CUX1: variants seen among roughly 807,000 people sequenced by gnomAD.
CUX1 encodes the protein cut like homeobox 1.
A neutral mutation model predicts 158.8 loss-of-function variants in CUX1; 31 were observed. The observed-to-expected ratio is 0.20, with a 90% CI of 0.15 to 0.26. The LOEUF is 0.26. CUX1 is among the 10% of genes least tolerant of loss of function. The pLI is 1.00. For synonymous variants in CUX1, 879 were observed against 862.1 expected (o/e 1.02, Z -0.34); for missense variants, 1,589 against 2,014.6 (o/e 0.79, Z 4.04).
intron 2 of CUX1, among the ~76,000 whole-genome samples, chr7:101,987,371 G>A (rs1023159439): frequency 2.6e-5 from 4 of 152,176 alleles, no homozygotes; most frequent in South Asian, 2.1e-4. Flanking sequence ...ATACTTCCAC[G>A]GTAATGGGTT....
At chr7:102,157,263 G>C (rs1406338954) in intron 8 of CUX1, among the ~76,000 whole-genome samples, 1 of 152,058 alleles carries the variant, frequency 6.6e-6, no homozygotes, top group Non-Finnish European at 1.5e-5. Flanking sequence ...CACAGCATGA[G>C]AGCCCTCAAC....
intron 3 of CUX1, among the ~76,000 whole-genome samples, chr7:102,045,003 T>G (rs1822567886): frequency 6.6e-6 from 1 of 151,884 alleles, no homozygotes; most frequent in African/African-American, 2.4e-5. Flanking sequence ...GTGGTGGAGG[T>G]GACAGTGGTG....
chr7:102,122,524 T>G (rs1832156008), intron 8 of CUX1, among the ~76,000 whole-genome samples: 3 of 152,176 alleles, frequency 2.0e-5, no homozygotes. Flanking sequence ...TGAAGGATTT[T>G]CCTTGTCTTT....
intron 2 of CUX1, among the ~76,000 whole-genome samples, chr7:101,924,562 C>CT (rs777090455): frequency 2.3e-3 from 330 of 141,082 alleles, no homozygotes; most frequent in Middle Eastern, 3.6e-3. Flanking sequence ...TACTTTTTTC[C>CT]TTTTTTTTTT....
At chr7:101,879,510 G>T (rs1562958919) in intron 1 of CUX1, among the ~76,000 whole-genome samples, 1 of 152,168 alleles carries the variant, frequency 6.6e-6, no homozygotes, top group Non-Finnish European at 1.5e-5. Context: ...CTTCCCTGTG[G>T]CTGGGAGCCC....
At chr7:101,887,842 C>CCTTTTTTTTTTTT (rs1562966470) in intron 1 of CUX1, among the ~76,000 whole-genome samples, 6 of 135,038 alleles carry the variant, frequency 4.4e-5, no homozygotes, top group Non-Finnish European at 8.0e-5. Flanking sequence ...ATGACGGTGA[C>CCTTTTTTTTTTTT]ATTTTTTTTT....
At chr7:101,870,153 G>GTT (rs1223133668) in intron 1 of CUX1, among the ~76,000 whole-genome samples, 8 of 104,062 alleles carry the variant, frequency 7.7e-5, no homozygotes, top group Admixed American at 2.0e-4. Flanking sequence ...TGTTTTTTTT[G>GTT]TTTTTTTTTT....
intron 9 of CUX1, among the ~76,000 whole-genome samples, chr7:102,167,357 C>A (rs1554509141): frequency 6.6e-6 from 1 of 152,110 alleles, no homozygotes; most frequent in African/African-American, 2.4e-5. Context: ...CTTTTGTGAA[C>A]CATCACCCTG....
chr7:101,948,692 T>A (rs2129150891), intron 2 of CUX1, among the ~76,000 whole-genome samples: 1 of 152,294 alleles, frequency 6.6e-6, no homozygotes, highest in South Asian at 2.1e-4. Context: ...TCACAGAGTC[T>A]CTCTTCTCTG....
chr7:102,172,735 G>T (rs543277831), intron 10 of CUX1, among the ~76,000 whole-genome samples: 53 of 152,276 alleles, frequency 3.5e-4, no homozygotes, highest in Admixed American at 9.8e-4. Flanking sequence ...TCTAAGAAAA[G>T]ATTTTAGCCT....
At chr7:102,022,021 T>C (rs899787232) in intron 2 of CUX1, among the ~76,000 whole-genome samples, 2 of 152,094 alleles carry the variant, frequency 1.3e-5, no homozygotes, top group African/African-American at 4.8e-5. Context: ...TGTCACCAGC[T>C]CTGGGTCCCT....
rs1789905482 is a variant in CUX1, at chr7:102,256,461, C to G, written c.*7419C>G. The G allele has an allele frequency of 3.0e-6, 3 of 985,412 alleles. No individual in the cohort carries two copies. In the South Asian group the frequency reaches 1.4e-4, roughly 46 times the overall value. The allele number at this position is 985,412 out of a possible 1,614,324, so 61.0% of individuals were successfully genotyped here. On this transcript the variant is annotated 3_prime_UTR_variant, in exon 24 of 24. Transcript: ENST00000292535. ...GGTTACTATCCTCTGCCTTCCTCTC[C>G]TCCCCTACTCCCCCAGAGAACCAAG...
intron 1 of CUX1, among the ~76,000 whole-genome samples, chr7:101,866,755 C>A (rs1217997486): frequency 1.3e-5 from 2 of 152,188 alleles, no homozygotes; most frequent in Non-Finnish European, 1.5e-5. Context: ...AGGAGAATTT[C>A]AATCCTGAGT....
intron 5 of CUX1, among the ~76,000 whole-genome samples, chr7:102,099,474 G>GTT (rs1554485587): frequency 2.0e-5 from 2 of 98,768 alleles, no homozygotes; most frequent in Admixed American, 8.8e-5. Flanking sequence ...GGAGTATCCT[G>GTT]GTTTTTTTTT....
intron 2 of CUX1, among the ~76,000 whole-genome samples, chr7:101,949,406 A>T (rs371184969): frequency 6.6e-6 from 1 of 152,070 alleles, no homozygotes; most frequent in South Asian, 2.1e-4. Flanking sequence ...CCGGGATTAC[A>T]GGTATAAGCC....
At chr7:102,030,426 C>T (rs1221118072) in intron 3 of CUX1, among the ~76,000 whole-genome samples, 2 of 151,178 alleles carry the variant, frequency 1.3e-5, no homozygotes, top group Admixed American at 6.6e-5. Flanking sequence ...GTTGCAGAAG[C>T]AGGCACTGTG....
intron 1 of CUX1, among the ~76,000 whole-genome samples, chr7:101,833,298 C>T (rs1300132784): frequency 6.7e-6 from 1 of 150,148 alleles, no homozygotes; most frequent in African/African-American, 2.5e-5. Flanking sequence ...CCTGTGATAC[C>T]AATACTTTAG....
At chr7:101,826,015 T>C (rs1793252363) in intron 1 of CUX1, among the ~76,000 whole-genome samples, 1 of 152,110 alleles carries the variant, frequency 6.6e-6, no homozygotes, top group African/African-American at 2.4e-5. Context: ...GTGGCCCACT[T>C]AGGCACAGAG....
intron 20 of CUX1, 98 bp downstream of exon 20, chr7:102,205,268 C>A: frequency 2.2e-6 from 2 of 895,232 alleles, no homozygotes; most frequent in South Asian, 1.4e-5. Flanking sequence ...CGAGGGACCG[C>A]ACATTCTGGA....
Sources: allele counts gnomAD v4.1 joint callset (sites outside exome capture counted in the v4.1 genomes callset), GRCh38; gene constraint gnomAD v4.1.1; transcripts MANE v1.5; gene names NCBI Gene and HGNC (gene_info 2026-07-23, HGNC 2026-07-21).